TXNDC17: variants seen among roughly 807,000 people sequenced by gnomAD.
The protein encoded by TXNDC17 is thioredoxin domain containing 17.
TXNDC17 carries 12 observed loss-of-function variants against 16.3 expected under a neutral mutation model. The ratio of observed to expected loss-of-function variants is 0.74; its 90% confidence interval spans 0.47 to 1.19. TXNDC17 has a LOEUF of 1.19. TXNDC17 is among the 50% of genes most tolerant of loss of function. TXNDC17 has a pLI of 0.00. For synonymous variants in TXNDC17, 62 were observed against 55.0 expected (o/e 1.13, Z -0.56); for missense variants, 158 against 149.7 (o/e 1.06, Z -0.29).
intron 1 of TXNDC17, 82 bp downstream of exon 1, chr17:6,641,309 G>A (rs534438118): frequency 1.3e-6 from 2 of 1,573,400 alleles, no homozygotes; most frequent in Admixed American, 1.7e-5. Flanking sequence ...GCTTAGCGGA[G>A]GCAGAGTCTT....
chr17:6,644,304 A>C lies in TXNDC17; in HGVS notation c.*1285A>C. The C allele has an allele frequency of 1.4e-6, 1 of 723,902 alleles. No individual in the cohort carries two copies. The highest frequency in any genetic ancestry group is 3.3e-5 in the South Asian group (1 of 30,590). The allele number at this position is 723,902 out of a possible 1,614,324, so 44.8% of individuals were successfully genotyped here. On this transcript the variant is annotated 3_prime_UTR_variant, in exon 4 of 4. Coordinates refer to ENST00000250101, the MANE Select transcript of TXNDC17 (RefSeq NM_032731.4). ...CAAAGAACAATTCAGGTTTAACAGA[A>C]ATAGTCTATTAACAATAAAAAGTTG...
rs1032568202 is a variant in TXNDC17 at position 6,644,380 on chromosome 17, A to G, written c.*1361A>G. 5 of 1,430,958 alleles carry G rather than the reference A, an allele frequency of 3.5e-6. No homozygotes were observed. Among genetic ancestry groups the G allele is most frequent in the Non-Finnish European group, 4.6e-6 (5 of 1,080,210 alleles). The allele number at this position is 1,430,958 out of a possible 1,614,324, so 88.6% of individuals were successfully genotyped here. On this transcript the variant is annotated 3_prime_UTR_variant, in exon 4 of 4. Coordinates refer to ENST00000250101, the MANE Select transcript of TXNDC17 (RefSeq NM_032731.4). Reference sequence around the variant, plus strand: ...AGGGGCTACCATAATAAAGGTAGATAGGAAGAGTTTTCATTTTTTTTGTCT... The same window carrying G: ...AGGGGCTACCATAATAAAGGTAGATGGGAAGAGTTTTCATTTTTTTTGTCT...
At chr17:6,642,004 GGGT>G in intron 2 of TXNDC17, 170 bp downstream of exon 2, 2 of 722,570 alleles carry the variant, frequency 2.8e-6, no homozygotes, top group Non-Finnish European at 4.7e-6. Flanking sequence ...AATTAAGTAA[GGGT>G]AATTCAACGA....
rs1239642463 is a variant in TXNDC17 at position 6,643,224 on chromosome 17, A to C, written c.*205A>C. 4.1e-6 allele frequency: 2 copies of C among 490,132 alleles called. No individual in the cohort carries two copies. Among genetic ancestry groups the C allele is most frequent in the Non-Finnish European group, 3.6e-6 (1 of 276,782 alleles). The allele number at this position is 490,132 out of a possible 1,614,324, so 30.4% of individuals were successfully genotyped here. A position where few individuals can be genotyped will look rare whatever the true frequency, so the allele number is the denominator to read the frequency against. ...TTTAAGATATAAAGAAGTCTTCAGAAATAGCAGTAAAGGCTCAAAGGAACG... is the reference window on the plus strand; with the variant it reads ...TTTAAGATATAAAGAAGTCTTCAGACATAGCAGTAAAGGCTCAAAGGAACG... On this transcript the variant is annotated 3_prime_UTR_variant, in exon 4 of 4. Coordinates refer to ENST00000250101, the MANE Select transcript of TXNDC17 (RefSeq NM_032731.4).
chr17:6,643,017 T>A lies in TXNDC17; in HGVS notation c.370T>A (p.Ter124LysextTer9). The change falls in exon 4 of 4, where the codon TAA (stop) becomes AAA (lysine). Residue 124 changes from the stop codon to lysine, a stop_lost. Transcript: ENST00000250101. Reference protein sequence around the residue: ...NLVEMLFSED* With the variant: ...NLVEMLFSEDK The stretch of plus-strand genomic sequence containing the variant: ...GGTGGAAATGTTGTTCTCTGAAGAT[T>A]AAGATTTTAGGATGGCAATCATGTC... 2 of 1,613,634 alleles carry A rather than the reference T, an allele frequency of 1.2e-6. No individual in the cohort carries two copies. The highest frequency in any genetic ancestry group is 1.7e-6 in the Non-Finnish European group (2 of 1,179,662).
In TXNDC17 at chr17:6,643,127, G is replaced by T; in HGVS notation, c.*108G>T. ...GCAATAAATGATGTTAAAAAAACTG[G>T]CATGTGTCTAAACAATAGAGTGCTA... On this transcript the variant is annotated 3_prime_UTR_variant, in exon 4 of 4. Transcript: ENST00000250101. The T allele has an allele frequency of 1.0e-6, 1 of 983,782 alleles. No homozygotes were observed. Among genetic ancestry groups the T allele is most frequent in the South Asian group, 1.4e-5 (1 of 70,862 alleles). The allele number at this position is 983,782 out of a possible 1,614,324, so 60.9% of individuals were successfully genotyped here. A position where few individuals can be genotyped will look rare whatever the true frequency, so the allele number is the denominator to read the frequency against.
intron 2 of TXNDC17, 50 bp from the exon 3 acceptor site, chr17:6,642,199 G>T (rs1597629382): frequency 7.5e-7 from 1 of 1,324,742 alleles, no homozygotes; most frequent in Admixed American, 1.8e-5. Flanking sequence ...TAAGCAAACT[G>T]TAATAAACCA....
Position 6,643,245 on chromosome 17 carries a change from GA to G in TXNDC17, c.*228del. 2.3e-6 allele frequency: 1 copy of G among 435,954 alleles called. No individual in the cohort carries two copies. The allele number at this position is 435,954 out of a possible 1,614,324, so 27.0% of individuals were successfully genotyped here. A position where few individuals can be genotyped will look rare whatever the true frequency, so the allele number is the denominator to read the frequency against. On this transcript the variant is annotated 3_prime_UTR_variant, in exon 4 of 4. Transcript: ENST00000250101. ...CAGAAATAGCAGTAAAGGCTCAAAG[GA>G]ACGTATTCTTGAAGGTGACGGAAAT... is the stretch of plus-strand genomic sequence containing the variant.
In TXNDC17 at chr17:6,643,034, AATC is replaced by A; in HGVS notation, c.*18_*20del. ...CTGAAGATTAAGATTTTAGGATGGC[AATC>A]ATGTCTTGATGTCCTGATTTGTTCT... On this transcript the variant is annotated 3_prime_UTR_variant, in exon 4 of 4. Transcript: ENST00000250101. The A allele has an allele frequency of 6.2e-7, 1 of 1,610,886 alleles. No homozygotes were observed. Among genetic ancestry groups the A allele is most frequent in the Non-Finnish European group, 8.5e-7 (1 of 1,177,240 alleles).
chr17:6,644,103 T>G lies in TXNDC17; in HGVS notation c.*1084T>G. 1 of 413,022 alleles carries G rather than the reference T, an allele frequency of 2.4e-6. No homozygotes were observed. The highest frequency in any genetic ancestry group is 9.9e-5 in the South Asian group (1 of 10,084). 25.6% of individuals were successfully genotyped at this position (413,022 alleles called of 1,614,324 possible). ...ACAGTAAGGTTCCAGGAGATGGTCT[T>G]GCCCTACTATATGTCAGGAACAGCT... On this transcript the variant is annotated 3_prime_UTR_variant, in exon 4 of 4. Transcript: ENST00000250101.
chr17:6,641,195 G>T lies in TXNDC17; in HGVS notation c.113G>T (p.Gly38Val). 6.2e-7 allele frequency: 1 copy of T among 1,613,634 alleles called. No individual in the cohort carries two copies. Among genetic ancestry groups the T allele is most frequent in the Middle Eastern group, 1.6e-4 (1 of 6,062 alleles). The part of the protein sequence containing the change: ...FAYFTGSKDA[G>V]GKSWCPDCVQ... The stretch of plus-strand genomic sequence containing the variant: ...TACTTTACGGGTTCTAAGGACGCCG[G>T]GGGGAAAAGCTGGTGCCCCGACTGC... The change falls in exon 1 of 4, where the codon GGG becomes GTG. Residue 38 changes from glycine (G) to valine (V), a missense_variant. By Grantham distance (109) the Gly-to-Val change is moderately radical. Coordinates refer to ENST00000250101, the MANE Select transcript of TXNDC17 (RefSeq NM_032731.4).
At position 6,643,071 on chromosome 17, in the gene TXNDC17, TA is replaced by T. The variant is rs1370532694; in HGVS notation, c.*55del. 1 of 1,440,100 alleles carries T rather than the reference TA, an allele frequency of 6.9e-7. No individual in the cohort carries two copies. Among genetic ancestry groups the T allele is most frequent in the South Asian group, 1.1e-5 (1 of 86,984 alleles). 89.2% of individuals were successfully genotyped at this position (1,440,100 alleles called of 1,614,324 possible). ...ATGTCCTGATTTGTTCTAGTATCAATAAACTGTATACTTGCTTTGAATTCAT... is the reference window on the plus strand; with the variant it reads ...ATGTCCTGATTTGTTCTAGTATCAATAACTGTATACTTGCTTTGAATTCAT... On this transcript the variant is annotated 3_prime_UTR_variant, in exon 4 of 4. Transcript: ENST00000250101.
chr17:6,641,371 T>G, intron 1 of TXNDC17, 144 bp downstream of exon 1: 1 of 1,208,574 alleles, frequency 8.3e-7, no homozygotes. Context: ...CTCCTTCTAT[T>G]AAATCCTACC....
intron 3 of TXNDC17, 70 bp from the exon 4 acceptor site, chr17:6,642,881 G>A: frequency 8.7e-7 from 1 of 1,150,786 alleles, no homozygotes; most frequent in Non-Finnish European, 1.3e-6. Context: ...TGTCATTCAA[G>A]GCAGAACTCA....
chr17:6,641,220 C>T lies in TXNDC17; in HGVS notation c.138C>T (p.Cys46=). The T allele has an allele frequency of 1.2e-6, 2 of 1,613,354 alleles. No homozygotes were observed. Among genetic ancestry groups the T allele is most frequent in the Non-Finnish European group, 1.7e-6 (2 of 1,179,936 alleles). ...GGGGGAAAAGCTGGTGCCCCGACTG[C>T]GTGCAGGGTGAGGCCGGGATTCGGG... ...DAGGKSWCPD[C]VQAEPVVREG... is the part of the protein sequence containing the mutation. Residue 46 remains cysteine (C), a synonymous_variant, in exon 1 of 4, where the codon TGC becomes TGT. Transcript: ENST00000250101.
Position 6,643,896 on chromosome 17 carries a change from A to G in TXNDC17, c.*877A>G. ...CTAGTTGTCCTGCCATGACTAGGTC[A>G]AGTGAGGCCACAGTGATTCAGTGAT... On this transcript the variant is annotated 3_prime_UTR_variant, in exon 4 of 4. Coordinates refer to ENST00000250101, the MANE Select transcript of TXNDC17 (RefSeq NM_032731.4). The G allele has an allele frequency of 2.6e-6, 1 of 385,654 alleles. No individual in the cohort carries two copies. The highest frequency in any genetic ancestry group is 4.6e-6 in the Non-Finnish European group (1 of 218,132). The allele number at this position is 385,654 out of a possible 1,614,324, so 23.9% of individuals were successfully genotyped here.
intron 1 of TXNDC17, 170 bp downstream of exon 1, chr17:6,641,397 C>G: frequency 2.0e-6 from 2 of 995,006 alleles, no homozygotes; most frequent in Non-Finnish European, 2.9e-6. Context: ...CTGCCAAGAG[C>G]GCTCTTCCTT....
chr17:6,644,418 AG>A lies in TXNDC17; in HGVS notation c.*1400del. 6.7e-7 allele frequency: 1 copy of A among 1,502,242 alleles called. No homozygotes were observed. Among genetic ancestry groups the A allele is most frequent in the South Asian group, 1.4e-5 (1 of 71,582 alleles). 93.1% of individuals were successfully genotyped at this position (1,502,242 alleles called of 1,614,324 possible). The stretch of plus-strand genomic sequence containing the variant: ...ATTTTTTTTGTCTTCACTGTACAAA[AG>A]AAATACATTATATACATGTATTAAG... On this transcript the variant is annotated 3_prime_UTR_variant, in exon 4 of 4. Transcript: ENST00000250101.
chr17:6,643,254 C>G lies in TXNDC17; in HGVS notation c.*235C>G. ...CAGTAAAGGCTCAAAGGAACGTATT[C>G]TTGAAGGTGACGGAAATACCTAAAA... is the stretch of plus-strand genomic sequence containing the variant. On this transcript the variant is annotated 3_prime_UTR_variant, in exon 4 of 4. Coordinates refer to ENST00000250101, the MANE Select transcript of TXNDC17 (RefSeq NM_032731.4). 1 of 409,070 alleles carries G rather than the reference C, an allele frequency of 2.4e-6. No homozygotes were observed. The highest frequency in any genetic ancestry group is 4.4e-6 in the Non-Finnish European group (1 of 227,794). The allele number at this position is 409,070 out of a possible 1,614,324, so 25.3% of individuals were successfully genotyped here.
Sources: gnomAD v4.1 joint callset for allele counts on GRCh38, gnomAD v4.1.1 for gene constraint, MANE v1.5 for transcripts, NCBI Gene and HGNC (gene_info 2026-07-23, HGNC 2026-07-21) for gene names.